The following SETD3 variants were observed in gnomAD, a reference collection of about 807,000 sequenced individuals.
SETD3 encodes the protein actin-histidine N-methyltransferase.
In SETD3, 19 loss-of-function variants were observed where a neutral mutation model predicts 63.0. That is an observed-to-expected ratio of 0.30 (90% CI 0.21 to 0.44). The LOEUF is 0.44. SETD3 is among the 20% of genes least tolerant of loss of function. The pLI is 1.00. For synonymous variants in SETD3, 286 were observed against 264.1 expected (o/e 1.08, Z -0.80); for missense variants, 587 against 728.5 (o/e 0.81, Z 2.24).
chr14:99,465,280 C>T lies in SETD3; in HGVS notation c.103+423G>A, dbSNP rs1402584624. On this transcript the variant is annotated intron_variant, in intron 2 of 12. Transcript: ENST00000331768. The stretch of plus-strand genomic sequence containing the variant: ...GCCAACAGCCCGTGAAGTACCTTCA[C>T]ACACCACATCTCACAAGGCCCTTGG... Among the ~76,000 whole-genome samples, 3 of 152,350 alleles carry T rather than the reference C, an allele frequency of 2.0e-5. No individual in the cohort carries two copies. The East Asian group carries it at 5.8e-4, about 29-fold the overall frequency.
intron 6 of SETD3, among the ~76,000 whole-genome samples, chr14:99,445,665 T>C (rs1894091576): frequency 6.6e-6 from 1 of 152,216 alleles, no homozygotes; most frequent in African/African-American, 2.4e-5. Flanking sequence ...TATACCAATA[T>C]ATCAACGAAT....
chr14:99,414,055 G>T, intron 6 of SETD3, 121 bp from the exon 7 acceptor site: 1 of 866,262 alleles, frequency 1.2e-6, no homozygotes, highest in South Asian at 1.5e-5. Context: ...AATGAAGCAG[G>T]CGGCGTCCAG....
At chr14:99,454,918 C>T (rs908199952) in intron 6 of SETD3, among the ~76,000 whole-genome samples, 1 of 152,236 alleles carries the variant, frequency 6.6e-6, no homozygotes, top group Non-Finnish European at 1.5e-5. Context: ...GCTATGGCAC[C>T]AGGCTAGTTG....
intron 6 of SETD3, among the ~76,000 whole-genome samples, chr14:99,427,969 G>A (rs1892975165): frequency 6.6e-6 from 1 of 152,204 alleles, no homozygotes; most frequent in Admixed American, 6.5e-5. Flanking sequence ...CCCAGACAGA[G>A]AGTACCGGAA....
chr14:99,481,103 A>C, upstream of SETD3: 1 of 252,938 alleles, frequency 4.0e-6, no homozygotes, highest in East Asian at 7.1e-5. Flanking sequence ...CGCCCCCGCC[A>C]GAGCTTTGAT....
Position 99,444,912 on chromosome 14 carries a change from C to T in SETD3, c.675+13367G>A, listed in dbSNP as rs1462130702. On this transcript the variant is annotated intron_variant, in intron 6 of 12. Transcript: ENST00000331768. ...GTCAATTAAAGAAAATGTTTTTAAC[C>T]ATCTTGAAAAAACGTAAAAATAAGA... 2.0e-5 allele frequency among the ~76,000 whole-genome samples: 3 copies of T among 151,390 alleles called. No homozygotes were observed. In the East Asian group the frequency reaches 5.8e-4, roughly 29 times the overall value.
intron 6 of SETD3, among the ~76,000 whole-genome samples, chr14:99,432,166 A>G (rs1324101782): frequency 3.3e-5 from 5 of 152,166 alleles, no homozygotes; most frequent in Non-Finnish European, 7.4e-5. Flanking sequence ...GAACTACATG[A>G]AAAAAATTAA....
At chr14:99,441,827 A>T (rs1893834007) in intron 6 of SETD3, among the ~76,000 whole-genome samples, 1 of 152,208 alleles carries the variant, frequency 6.6e-6, no homozygotes, top group Non-Finnish European at 1.5e-5. Context: ...GGAGACATGG[A>T]CTACTATTTA....
At chr14:99,453,516 TAAATCATTAGAAATTTTCTAATGA>T (rs980099341) in intron 6 of SETD3, among the ~76,000 whole-genome samples, 1 of 152,170 alleles carries the variant, frequency 6.6e-6, no homozygotes, top group African/African-American at 2.4e-5. Flanking sequence ...GAACTTACTT[TAAATCATTAGAAATTTTCTAATGA>T]TTGGCCAGGC....
Position 99,406,526 on chromosome 14 carries a change from G to A in SETD3, c.914C>T (p.Ala305Val). Residue 305 changes from alanine (A) to valine (V), a missense_variant, in exon 9 of 13, where the codon GCT becomes GTT. By Grantham distance (64) the Ala-to-Val change is moderately conservative (BLOSUM62 0). Transcript: ENST00000331768. ...CECVALQDFR[A>V]GEQIYIFYGT... Reference sequence around the variant, plus strand: ...TGCCACGAGACCCACCTGCTCTCCAGCCCGAAAATCCTGCAGAGCCACACA... The same window carrying A: ...TGCCACGAGACCCACCTGCTCTCCAACCCGAAAATCCTGCAGAGCCACACA... The A allele has an allele frequency of 1.2e-6, 2 of 1,614,140 alleles. No individual in the cohort carries two copies. Among genetic ancestry groups the A allele is most frequent in the Middle Eastern group, 1.6e-4 (1 of 6,062 alleles).
intron 6 of SETD3, among the ~76,000 whole-genome samples, chr14:99,432,553 T>C (rs1893241397): frequency 1.3e-5 from 2 of 152,208 alleles, no homozygotes; most frequent in African/African-American, 4.8e-5. Flanking sequence ...CCATAATTAA[T>C]GTACTGAGCT....
chr14:99,409,138 A>T (rs960362039), intron 8 of SETD3, among the ~76,000 whole-genome samples: 1 of 152,108 alleles, frequency 6.6e-6, no homozygotes, highest in African/African-American at 2.4e-5. Context: ...CTCCTCGCCC[A>T]GCTCCACGTG....
At chr14:99,455,611 A>G (rs1192629991) in intron 6 of SETD3, among the ~76,000 whole-genome samples, 3 of 152,206 alleles carry the variant, frequency 2.0e-5, no homozygotes, top group African/African-American at 7.2e-5. Context: ...GAAAATGGTG[A>G]AAGTCACTCA....
intron 1 of SETD3, among the ~76,000 whole-genome samples, chr14:99,469,767 C>G (rs1336662445): frequency 6.6e-6 from 1 of 152,110 alleles, no homozygotes; most frequent in Non-Finnish European, 1.5e-5. Context: ...AACCTACAAA[C>G]CGCATAGTGC....
chr14:99,428,138 T>C (rs1268976791), intron 6 of SETD3, among the ~76,000 whole-genome samples: 1 of 152,128 alleles, frequency 6.6e-6, no homozygotes, highest in Non-Finnish European at 1.5e-5. Flanking sequence ...GCAGGAGCAT[T>C]AGAGTATTAG....
At chr14:99,464,583 G>C (rs1366490438) in intron 2 of SETD3, among the ~76,000 whole-genome samples, 1 of 152,188 alleles carries the variant, frequency 6.6e-6, no homozygotes, top group Non-Finnish European at 1.5e-5. Flanking sequence ...GCACTCGAGA[G>C]GGACCTGACT....
At chr14:99,437,936 T>C (rs1893581990) in intron 6 of SETD3, among the ~76,000 whole-genome samples, 1 of 152,202 alleles carries the variant, frequency 6.6e-6, no homozygotes, top group Non-Finnish European at 1.5e-5. Flanking sequence ...CACATGCCCA[T>C]TCATGAGAAG....
Position 99,458,419 on chromosome 14 carries a change from G to T in SETD3, c.535C>A (p.Leu179Ile). ...AGAGGAGTGTCATATTCACTGGGGA[G>T]GGTTTGAATATAGGGCTGCCAGAAG... ...NSFWQPYIQT[L>I]PSEYDTPLYF... The change falls in exon 6 of 13, where the codon CTC becomes ATC. Residue 179 changes from leucine to isoleucine, a missense_variant. By Grantham distance (5) the Leu-to-Ile change is conservative (BLOSUM62 2). Coordinates refer to ENST00000331768, the MANE Select transcript of SETD3 (RefSeq NM_032233.3). 1.2e-6 allele frequency: 2 copies of T among 1,614,120 alleles called. No individual in the cohort carries two copies. The highest frequency in any genetic ancestry group is 1.7e-6 in the Non-Finnish European group (2 of 1,180,026).
intron 6 of SETD3, among the ~76,000 whole-genome samples, chr14:99,446,339 G>C (rs186448820): frequency 4.6e-4 from 70 of 152,216 alleles, no homozygotes; most frequent in African/African-American, 1.6e-3. Flanking sequence ...GCCTAGACCT[G>C]GTATTGGAGC....
Sources: gnomAD v4.1 joint callset for allele counts (sites outside exome capture counted in the v4.1 genomes callset) on GRCh38, gnomAD v4.1.1 for gene constraint, MANE v1.5 for transcripts, NCBI Gene and HGNC (gene_info 2026-07-23, HGNC 2026-07-21) for gene names.